The following DGKB variants were observed in gnomAD, a reference collection of about 807,000 sequenced individuals.
The protein encoded by DGKB is diacylglycerol kinase beta.
In DGKB, 67 loss-of-function variants were observed where a neutral mutation model predicts 114.3. The ratio of observed to expected loss-of-function variants is 0.59; its 90% CI spans 0.48 to 0.72. The LOEUF (loss-of-function observed/expected upper bound fraction) is 0.72, where lower values mean the gene tolerates loss of function less well. Ranked by LOEUF, DGKB falls within the 30% of genes least tolerant of loss-of-function variation. The probability of loss-of-function intolerance (pLI) is 0.00; values close to 1 mark genes in which losing one functional copy is unlikely to be tolerated. For synonymous variants in DGKB, 398 were observed against 323.1 expected (o/e 1.23, Z -2.49); for missense variants, 907 against 975.2 (o/e 0.93, Z 0.93).
Position 14,685,332 on chromosome 7 carries a change from G to T in DGKB, c.742C>A (p.Arg248=), listed in dbSNP as rs1400361292. The change falls in exon 10 of 26, where the codon CGA becomes AGA. Residue 248 remains arginine, a synonymous_variant. Coordinates refer to ENST00000402815, the MANE Select transcript of DGKB (RefSeq NM_001350709.2). ...NVKDDGQHVW[R]LKHFNKPAYC... is the part of the protein sequence containing the mutation. Reference sequence around the variant, plus strand: ...GCAGGTTTGTTAAAGTGCTTCAGTCGCCACACGTGCTGTCCATCATCCTTC... The same window carrying T: ...GCAGGTTTGTTAAAGTGCTTCAGTCTCCACACGTGCTGTCCATCATCCTTC... 1 of 1,613,660 alleles carries T rather than the reference G, an allele frequency of 6.2e-7. No individual in the cohort carries two copies. The highest frequency in any genetic ancestry group is 8.5e-7 in the Non-Finnish European group (1 of 1,179,666).
chr7:14,162,727 C>A (rs1784086411), intron 25 of DGKB, among the ~76,000 whole-genome samples: 1 of 151,844 alleles, frequency 6.6e-6, no homozygotes, highest in Non-Finnish European at 1.5e-5. Flanking sequence ...TGAAGAGTGA[C>A]AAAAATGTAA....
At chr7:14,223,414 T>A (rs1790299778) in intron 23 of DGKB, among the ~76,000 whole-genome samples, 1 of 151,728 alleles carries the variant, frequency 6.6e-6, no homozygotes, top group African/African-American at 2.4e-5. Context: ...CAACTTCCTT[T>A]CTGAATTTTT....
intron 2 of DGKB, among the ~76,000 whole-genome samples, chr7:14,785,365 T>C (rs913080469): frequency 3.9e-5 from 6 of 152,168 alleles, no homozygotes; most frequent in African/African-American, 1.4e-4. Context: ...TCTTCTTGCC[T>C]TGTCATTTGA....
chr7:14,416,079 G>T, intron 21 of DGKB, among the ~76,000 whole-genome samples: 1 of 152,204 alleles, frequency 6.6e-6, no homozygotes, highest in East Asian at 1.9e-4. Context: ...CTTTTGAGAA[G>T]TGTCTGTTCA....
chr7:14,405,885 G>T (rs970970308), intron 21 of DGKB, among the ~76,000 whole-genome samples: 1 of 151,982 alleles, frequency 6.6e-6, no homozygotes, highest in African/African-American at 2.4e-5. Flanking sequence ...AAAGAGTTTG[G>T]TGTCTTTTAG....
intron 21 of DGKB, among the ~76,000 whole-genome samples, chr7:14,441,384 T>A (rs1242425232): frequency 2.0e-5 from 3 of 152,132 alleles, no homozygotes; most frequent in Non-Finnish European, 4.4e-5. Flanking sequence ...ATATTCCAAA[T>A]AATAATCATT....
intron 2 of DGKB, among the ~76,000 whole-genome samples, chr7:14,828,414 T>C (rs1345990594): frequency 6.6e-6 from 1 of 152,076 alleles, no homozygotes; most frequent in African/African-American, 2.4e-5. Context: ...ATACGATGTG[T>C]CTTATTGAAA....
intron 23 of DGKB, among the ~76,000 whole-genome samples, chr7:14,250,675 T>A (rs1795102221): frequency 6.6e-6 from 1 of 152,188 alleles, no homozygotes; most frequent in Non-Finnish European, 1.5e-5. Context: ...AGTAGTGTTG[T>A]AGAAGCCCAC....
intron 21 of DGKB, among the ~76,000 whole-genome samples, chr7:14,399,179 A>G (rs2128722663): frequency 6.6e-6 from 1 of 152,036 alleles, no homozygotes; most frequent in East Asian, 1.9e-4. Context: ...TACTACTACT[A>G]GAATAAAAGT....
At chr7:14,582,045 T>G (rs1800007943) in intron 18 of DGKB, among the ~76,000 whole-genome samples, 1 of 152,234 alleles carries the variant, frequency 6.6e-6, no homozygotes, top group South Asian at 2.1e-4. Flanking sequence ...ATTTTGAATA[T>G]TTTTAGTGTA....
chr7:14,296,568 A>G (rs1802597906), intron 23 of DGKB, among the ~76,000 whole-genome samples: 1 of 152,140 alleles, frequency 6.6e-6, no homozygotes, highest in Admixed American at 6.5e-5. Context: ...TAGATCCCTG[A>G]GGAATTGCCA....
intron 1 of DGKB, among the ~76,000 whole-genome samples, chr7:14,912,040 G>T (rs865817916): frequency 1.3e-5 from 2 of 152,044 alleles, no homozygotes; most frequent in Non-Finnish European, 2.9e-5. Context: ...AGTGTCCTGC[G>T]CCCTTCTTCT....
chr7:14,740,330 A>C (rs1474560262), intron 4 of DGKB, among the ~76,000 whole-genome samples: 2 of 151,582 alleles, frequency 1.3e-5, no homozygotes, highest in Non-Finnish European at 2.9e-5. Context: ...GGCAGGGACC[A>C]CAGTTGATTT....
chr7:14,899,804 G>C (rs926806095), intron 1 of DGKB, among the ~76,000 whole-genome samples: 1 of 151,934 alleles, frequency 6.6e-6, no homozygotes, highest in Non-Finnish European at 1.5e-5. Context: ...ATCCACCCAC[G>C]GCATCCACAA....
intron 17 of DGKB, among the ~76,000 whole-genome samples, chr7:14,598,665 A>G (rs997922605): frequency 6.6e-6 from 1 of 152,218 alleles, no homozygotes; most frequent in African/African-American, 2.4e-5. Context: ...TTTATTTAAA[A>G]GACATTTTAT....
At chr7:14,212,094 ACTCTCATGTTTTGTGAT>A (rs543048781) in intron 23 of DGKB, among the ~76,000 whole-genome samples, 11 of 3,660 alleles carry the variant, frequency 3.0e-3, no homozygotes, top group South Asian at 0.019. Context: ...TTGTGATTTT[ACTCTCATGTTTTGTGAT>A]TTTACTCTCA....
intron 23 of DGKB, chr7:14,191,971 C>A: frequency 1.6e-6 from 1 of 644,868 alleles, no homozygotes; most frequent in Non-Finnish European, 2.6e-6. Flanking sequence ...CTACCATTGT[C>A]GATATGGTTC....
intron 4 of DGKB, among the ~76,000 whole-genome samples, chr7:14,752,815 C>T (rs577268638): frequency 3.9e-5 from 6 of 152,056 alleles, no homozygotes; most frequent in South Asian, 2.1e-4. Context: ...ATTTAATAGC[C>T]GAGTCCTGAA....
At chr7:14,461,540 C>A (rs994756771) in intron 21 of DGKB, among the ~76,000 whole-genome samples, 3 of 151,988 alleles carry the variant, frequency 2.0e-5, no homozygotes, top group African/African-American at 7.2e-5. Context: ...TACACCCTCC[C>A]AAGACTAAAC....
Sources: gnomAD v4.1 joint callset for allele counts (sites outside exome capture counted in the v4.1 genomes callset) on GRCh38, gnomAD v4.1.1 for gene constraint, MANE v1.5 for transcripts, NCBI Gene and HGNC (gene_info 2026-07-23, HGNC 2026-07-21) for gene names.